WWC2: variants seen among roughly 807,000 people sequenced by gnomAD.
WWC2 encodes WW and C2 domain containing 2.
A neutral mutation model predicts 138.5 loss-of-function variants in WWC2; 101 were observed. The ratio of observed to expected loss-of-function variants is 0.73; its 90% CI spans 0.62 to 0.86. The LOEUF is 0.86. Ranked by LOEUF, WWC2 falls within the 40% of genes least tolerant of loss-of-function variation. The pLI, the probability that WWC2 is intolerant of heterozygous loss-of-function variation, is 0.00. For missense variants in WWC2, 1,420 were observed against 1,419.4 expected (o/e 1.00, Z -0.01); for synonymous variants, 558 against 538.4 (o/e 1.04, Z -0.50).
intron 1 of WWC2, among the ~76,000 whole-genome samples, chr4:183,173,580 C>T (rs2111168100): frequency 6.6e-6 from 1 of 151,982 alleles, no homozygotes; most frequent in African/African-American, 2.4e-5. Context: ...GGATTAACTT[C>T]CCTGCCTCCA....
chr4:183,255,705 CTT>C (rs1475972641), intron 9 of WWC2, among the ~76,000 whole-genome samples: 1 of 151,976 alleles, frequency 6.6e-6, no homozygotes, highest in African/African-American at 2.4e-5. Context: ...TCTTGCTTGC[CTT>C]TTTTATTAGG....
chr4:183,161,230 G>GT (rs1733952678), intron 1 of WWC2, among the ~76,000 whole-genome samples: 1 of 152,140 alleles, frequency 6.6e-6, no homozygotes, highest in African/African-American at 2.4e-5. Flanking sequence ...GTTCTCTTGA[G>GT]TACTTAAAAG....
In WWC2 at chr4:183,164,373, ATAC is replaced by A. The variant is rs1476791453; in HGVS notation, c.132-29225_132-29223del. On this transcript the variant is annotated intron_variant, in intron 1 of 22. Coordinates refer to ENST00000403733, the MANE Select transcript of WWC2 (RefSeq NM_024949.6). The stretch of plus-strand genomic sequence containing the variant: ...TTATATATACATATATATATTATAT[ATAC>A]ATATATATATTATATATACATATAT... Among the ~76,000 whole-genome samples the A allele has an allele frequency of 0.011, 7 of 648 alleles. No individual in the cohort carries two copies. In the East Asian group the frequency reaches 0.14, roughly 13 times the overall value. The allele number at this position is 648 out of a possible 152,430, so 0.4% of individuals were successfully genotyped here.
chr4:183,253,135 C>G (rs992334106), intron 8 of WWC2, among the ~76,000 whole-genome samples: 1 of 152,128 alleles, frequency 6.6e-6, no homozygotes, highest in Non-Finnish European at 1.5e-5. Context: ...GCTGCTTGTC[C>G]TCCCAAAGTG....
intron 4 of WWC2, among the ~76,000 whole-genome samples, chr4:183,228,156 G>T (rs538106017): frequency 3.3e-5 from 5 of 151,986 alleles, no homozygotes; most frequent in African/African-American, 1.2e-4. Flanking sequence ...GAAAAACGCT[G>T]GTATACACAA....
chr4:183,170,694 T>G (rs1461527108), intron 1 of WWC2, among the ~76,000 whole-genome samples: 2 of 152,152 alleles, frequency 1.3e-5, no homozygotes, highest in Non-Finnish European at 2.9e-5. Flanking sequence ...TGTTGTGATT[T>G]ATTTATTTAT....
intron 4 of WWC2, among the ~76,000 whole-genome samples, chr4:183,221,837 G>T (rs1248518704): frequency 6.6e-6 from 1 of 152,126 alleles, no homozygotes; most frequent in Non-Finnish European, 1.5e-5. Flanking sequence ...TGGAAAGCGG[G>T]TTAGCGATTT....
intron 2 of WWC2, among the ~76,000 whole-genome samples, chr4:183,204,078 A>G (rs1481896100): frequency 1.3e-5 from 2 of 152,218 alleles, no homozygotes; most frequent in Non-Finnish European, 2.9e-5. Flanking sequence ...GGAAAGAAAG[A>G]AAGTGGAGGG....
chr4:183,150,746 T>C (rs1381409903), intron 1 of WWC2, among the ~76,000 whole-genome samples: 1 of 152,114 alleles, frequency 6.6e-6, no homozygotes, highest in Non-Finnish European at 1.5e-5. Context: ...GTTCTCATTG[T>C]TCAATTCCCA....
chr4:183,161,292 C>T (rs1733953827), intron 1 of WWC2, among the ~76,000 whole-genome samples: 1 of 152,142 alleles, frequency 6.6e-6, no homozygotes, highest in South Asian at 2.1e-4. Flanking sequence ...TTAATCCAGC[C>T]AGTGAACCAA....
chr4:183,188,394 C>T (rs1430621303), intron 1 of WWC2, among the ~76,000 whole-genome samples: 1 of 152,022 alleles, frequency 6.6e-6, no homozygotes, highest in Non-Finnish European at 1.5e-5. Context: ...CCCACCACCA[C>T]ACCTGGCTAA....
chr4:183,284,212 A>G lies in WWC2; in HGVS notation c.2884-14A>G. The G allele has an allele frequency of 2.5e-6, 4 of 1,609,848 alleles. No individual in the cohort carries two copies. The highest frequency in any genetic ancestry group is 1.3e-5 in the African/African-American group (1 of 74,976). On this transcript the variant is annotated splice_polypyrimidine_tract_variant and intron_variant, in intron 18 of 22. Coordinates refer to ENST00000403733, the MANE Select transcript of WWC2 (RefSeq NM_024949.6). Reference sequence around the variant, plus strand: ...ATCTTTCAGCTCCTGACAAATTGTTAACTTCTCTTATAGGTTGACAAAGAG... The same window carrying G: ...ATCTTTCAGCTCCTGACAAATTGTTGACTTCTCTTATAGGTTGACAAAGAG...
At chr4:183,234,999 A>G (rs2111297386) in intron 4 of WWC2, among the ~76,000 whole-genome samples, 1 of 152,340 alleles carries the variant, frequency 6.6e-6, no homozygotes, top group Non-Finnish European at 1.5e-5. Flanking sequence ...AGGTTGTTGA[A>G]CTACTAATTA....
chr4:183,271,676 G>C (rs1233437946), intron 16 of WWC2, among the ~76,000 whole-genome samples: 1 of 152,104 alleles, frequency 6.6e-6, no homozygotes, highest in Non-Finnish European at 1.5e-5. Flanking sequence ...CTTTTCATTT[G>C]TAACATCAAT....
intron 1 of WWC2, among the ~76,000 whole-genome samples, chr4:183,161,093 C>T (rs535262757): frequency 9.2e-5 from 14 of 151,502 alleles, no homozygotes; most frequent in Non-Finnish European, 1.5e-4. Flanking sequence ...TGCAAATAAA[C>T]GATCATGGGT....
At chr4:183,276,465 G>C (rs1045761876) in intron 16 of WWC2, among the ~76,000 whole-genome samples, 1 of 150,354 alleles carries the variant, frequency 6.7e-6, no homozygotes. Flanking sequence ...ATTTTTTGCA[G>C]TTTCCCTGGA....
intron 2 of WWC2, among the ~76,000 whole-genome samples, chr4:183,204,987 GT>G (rs1205453159): frequency 1.3e-5 from 2 of 152,204 alleles, no homozygotes; most frequent in Non-Finnish European, 2.9e-5. Flanking sequence ...ATATACCACA[GT>G]TTGCTTAGCC....
chr4:183,127,226 A>G (rs189048877), intron 1 of WWC2, among the ~76,000 whole-genome samples: 1 of 152,302 alleles, frequency 6.6e-6, no homozygotes. Context: ...GCAAGAAGAA[A>G]AATAGATGAA....
At chr4:183,254,143 A>G (rs941387576) in intron 9 of WWC2, 144 bp downstream of exon 9, 3 of 1,322,858 alleles carry the variant, frequency 2.3e-6, no homozygotes, top group Non-Finnish European at 3.0e-6. Flanking sequence ...CTGTAGAACA[A>G]TAAAGTGCAC....
Sources: gnomAD v4.1 joint callset for allele counts (sites outside exome capture counted in the v4.1 genomes callset) on GRCh38, gnomAD v4.1.1 for gene constraint, MANE v1.5 for transcripts, NCBI Gene and HGNC (gene_info 2026-07-23, HGNC 2026-07-21) for gene names.